The following C12orf50 variants were observed in gnomAD, a reference collection of about 807,000 sequenced individuals.
C12orf50 encodes uncharacterized protein C12orf50.
C12orf50 carries 35 observed loss-of-function variants against 61.6 expected under a neutral mutation model. The observed-to-expected ratio is 0.57, with a 90% CI of 0.43 to 0.75. C12orf50 has a LOEUF of 0.75. Ranked by LOEUF, C12orf50 falls within the 30% of genes least tolerant of loss-of-function variation. The probability of loss-of-function intolerance (pLI) is 0.00; values close to 1 mark genes in which losing one functional copy is unlikely to be tolerated. For synonymous variants in C12orf50, 178 were observed against 161.5 expected (o/e 1.10, Z -0.77); for missense variants, 475 against 488.5 (o/e 0.97, Z 0.26).
chr12:87,982,842 C>A (rs1323951013), intron 12 of C12orf50, among the ~76,000 whole-genome samples: 1 of 150,814 alleles, frequency 6.6e-6, no homozygotes, highest in African/African-American at 2.4e-5. Context: ...ATGATTGCTG[C>A]AATTACTGTT....
intron 3 of C12orf50, among the ~76,000 whole-genome samples, chr12:88,002,566 T>A (rs1169180717): frequency 6.6e-6 from 1 of 151,772 alleles, no homozygotes; most frequent in Non-Finnish European, 1.5e-5. Flanking sequence ...TATTTTCCAT[T>A]CTTTTATTTT....
intron 3 of C12orf50, among the ~76,000 whole-genome samples, chr12:88,001,389 A>T (rs944371096): frequency 6.6e-6 from 1 of 151,616 alleles, no homozygotes; most frequent in Non-Finnish European, 1.5e-5. Flanking sequence ...ATATAATCCC[A>T]TTTTAAAGCT....
intron 7 of C12orf50, among the ~76,000 whole-genome samples, chr12:87,990,343 C>A (rs2031059386): frequency 6.6e-6 from 1 of 152,090 alleles, no homozygotes; most frequent in Non-Finnish European, 1.5e-5. Flanking sequence ...TTACTGAGTG[C>A]ACATAATGTG....
chr12:87,986,515 C>A (rs1490556331), intron 9 of C12orf50, 99 bp from the exon 10 acceptor site: 4 of 791,664 alleles, frequency 5.1e-6, no homozygotes, highest in South Asian at 2.2e-5. Context: ...ACATGTCAAG[C>A]AAGAGGAAAA....
intron 3 of C12orf50, among the ~76,000 whole-genome samples, chr12:88,020,123 CCACA>C (rs1406894531): frequency 1.3e-5 from 2 of 152,142 alleles, no homozygotes; most frequent in Non-Finnish European, 2.9e-5. Flanking sequence ...TATAAAGTAA[CCACA>C]CAAACAAGTG....
At chr12:88,017,227 G>A (rs1382633977) in intron 3 of C12orf50, among the ~76,000 whole-genome samples, 1 of 152,160 alleles carries the variant, frequency 6.6e-6, no homozygotes, top group African/African-American at 2.4e-5. Context: ...TTGAATCATG[G>A]GGGCGGGTCT....
rs373523737 is a variant in C12orf50 at position 88,026,638 on chromosome 12, A to C, written c.13-30T>G. The C allele has an allele frequency of 3.2e-4, 512 of 1,607,892 alleles. 10 individuals are homozygous for C. The Middle Eastern group carries it at 0.023, about 73-fold the overall frequency. ...ATAAAAGGAGATTGGGGGAAATGTA[A>C]TGATTAGATGCCATATTTACAACAA... On this transcript the variant is annotated intron_variant, in intron 2 of 12. Transcript: ENST00000298699.
chr12:88,006,137 C>G (rs1006743788), intron 3 of C12orf50, among the ~76,000 whole-genome samples: 1 of 151,946 alleles, frequency 6.6e-6, no homozygotes, highest in Non-Finnish European at 1.5e-5. Flanking sequence ...GGGATGGTCT[C>G]GATCTCCTGA....
At chr12:88,004,258 A>G (rs2031767594) in intron 3 of C12orf50, among the ~76,000 whole-genome samples, 1 of 152,178 alleles carries the variant, frequency 6.6e-6, no homozygotes, top group Admixed American at 6.5e-5. Flanking sequence ...CACTTTTCAA[A>G]AGAAGACATA....
chr12:87,980,711 A>C (rs1383642760), intron 12 of C12orf50, among the ~76,000 whole-genome samples: 1 of 152,192 alleles, frequency 6.6e-6, no homozygotes, highest in Non-Finnish European at 1.5e-5. Context: ...AGAGAAGGTC[A>C]CCAATGAGAA....
chr12:87,990,463 T>C (rs1565742237), intron 7 of C12orf50, among the ~76,000 whole-genome samples: 1 of 152,140 alleles, frequency 6.6e-6, no homozygotes, highest in Non-Finnish European at 1.5e-5. Flanking sequence ...GATTTTTGGT[T>C]TCTACCATGA....
rs1045670687 is a variant in C12orf50, at chr12:88,029,393, C to T, written c.-162G>A. 1.7e-5 allele frequency: 3 copies of T among 171,782 alleles called. No individual in the cohort carries two copies. In the South Asian group the frequency reaches 3.6e-4, roughly 21 times the overall value. The allele number at this position is 171,782 out of a possible 1,614,324, so 10.6% of individuals were successfully genotyped here. On this transcript the variant is annotated 5_prime_UTR_variant, in exon 1 of 13. Coordinates refer to ENST00000298699, the MANE Select transcript of C12orf50 (RefSeq NM_152589.3). ...GTGGTTGCTAGTAAGCACACAAACTCAAACTTCTAGAATTTTCCTCATTGT... is the reference window on the plus strand; with the variant it reads ...GTGGTTGCTAGTAAGCACACAAACTTAAACTTCTAGAATTTTCCTCATTGT...
intron 3 of C12orf50, among the ~76,000 whole-genome samples, chr12:88,023,590 C>T: frequency 6.6e-6 from 1 of 151,006 alleles, no homozygotes; most frequent in East Asian, 1.9e-4. Flanking sequence ...ATCACTTGAA[C>T]CCAGGAGGCG....
chr12:88,024,453 C>T (rs1455042596), intron 3 of C12orf50, among the ~76,000 whole-genome samples: 3 of 152,096 alleles, frequency 2.0e-5, no homozygotes, highest in African/African-American at 7.2e-5. Flanking sequence ...CGCCATAAAA[C>T]AAGAATGACA....
chr12:87,982,207 C>T (rs1443110912), intron 12 of C12orf50, among the ~76,000 whole-genome samples: 1 of 152,116 alleles, frequency 6.6e-6, no homozygotes. Context: ...CTCTTCACCT[C>T]TTTCCCCACC....
At chr12:88,025,846 C>G (rs142648303) in intron 3 of C12orf50, among the ~76,000 whole-genome samples, 32 of 152,192 alleles carry the variant, frequency 2.1e-4, no homozygotes, top group South Asian at 6.2e-4. Flanking sequence ...AATAGCCCAA[C>G]CTTCTTCAGC....
chr12:87,982,504 C>T (rs2030541429), intron 12 of C12orf50, among the ~76,000 whole-genome samples: 1 of 152,120 alleles, frequency 6.6e-6, no homozygotes. Flanking sequence ...TCCAAACCTA[C>T]TGAACCAGCC....
chr12:87,995,849 T>C (rs2031362230), intron 6 of C12orf50, among the ~76,000 whole-genome samples: 1 of 152,178 alleles, frequency 6.6e-6, no homozygotes, highest in Non-Finnish European at 1.5e-5. Flanking sequence ...ATTGCAGATG[T>C]TCATCCACAG....
intron 4 of C12orf50, among the ~76,000 whole-genome samples, chr12:87,997,189 G>A (rs1296751655): frequency 1.3e-5 from 2 of 152,062 alleles, no homozygotes; most frequent in Non-Finnish European, 2.9e-5. Flanking sequence ...ACTCTTGTGA[G>A]GATGACTTAG....
Sources: gnomAD v4.1 joint callset for allele counts (sites outside exome capture counted in the v4.1 genomes callset) on GRCh38, gnomAD v4.1.1 for gene constraint, MANE v1.5 for transcripts, NCBI Gene and HGNC (gene_info 2026-07-23, HGNC 2026-07-21) for gene names.